The following CRIM1 variants were observed in gnomAD, a reference collection of about 807,000 sequenced individuals.
CRIM1 encodes cysteine rich transmembrane BMP regulator 1, also known as cysteine-rich motor neuron 1 protein.
A neutral mutation model predicts 116.4 loss-of-function variants in CRIM1; 32 were observed. That is an observed-to-expected ratio of 0.27 (90% CI 0.21 to 0.37). CRIM1 has a LOEUF of 0.37. Ranked by LOEUF, CRIM1 falls within the 10% of genes least tolerant of loss-of-function variation. CRIM1 has a pLI of 1.00. For missense variants in CRIM1, 1,331 were observed against 1,354.8 expected (o/e 0.98, Z 0.28); for synonymous variants, 590 against 509.2 (o/e 1.16, Z -2.13).
chr2:36,479,812 C>A (rs993494982), intron 7 of CRIM1, 118 bp downstream of exon 7: 34 of 968,898 alleles, frequency 3.5e-5, no homozygotes, highest in Non-Finnish European at 4.7e-5. Flanking sequence ...CACGCTGTTA[C>A]CAGTTGCCAA....
chr2:36,531,383 G>A (rs1028430158), intron 13 of CRIM1, among the ~76,000 whole-genome samples: 1 of 150,536 alleles, frequency 6.6e-6, no homozygotes, highest in Admixed American at 6.6e-5. Context: ...CTGGAGATGC[G>A]TTTTTGGTTT....
chr2:36,449,034 GT>G (rs11350672), intron 4 of CRIM1, among the ~76,000 whole-genome samples: 45,421 of 142,060 alleles, frequency 0.32, 6,891 homozygotes, highest in South Asian at 0.39. Context: ...TTTTTGACTT[GT>G]TTTTTTTTTT....
chr2:36,409,484 T>A (rs954990825), intron 2 of CRIM1, among the ~76,000 whole-genome samples: 1 of 152,206 alleles, frequency 6.6e-6, no homozygotes, highest in Admixed American at 6.5e-5. Flanking sequence ...CCCTGCTCAC[T>A]TGGGGAGGAT....
intron 7 of CRIM1, among the ~76,000 whole-genome samples, chr2:36,484,262 A>G (rs572017128): frequency 7.9e-5 from 12 of 152,290 alleles, no homozygotes; most frequent in Admixed American, 2.0e-4. Context: ...TGTAGGTGCC[A>G]CTGCATTTCA....
intron 1 of CRIM1, among the ~76,000 whole-genome samples, chr2:36,388,923 A>C (rs1438150080): frequency 6.6e-6 from 1 of 152,208 alleles, no homozygotes; most frequent in Admixed American, 6.5e-5. Flanking sequence ...TTTTTCAGTG[A>C]TTTCCTCACT....
intron 2 of CRIM1, among the ~76,000 whole-genome samples, chr2:36,410,361 A>G (rs1001047494): frequency 5.3e-5 from 8 of 152,182 alleles, no homozygotes. Context: ...ACAATACAGG[A>G]ATTTAATAAT....
rs138247798 is a variant in CRIM1, at chr2:36,411,830, G to A, written c.505+15043G>A. Among the ~76,000 whole-genome samples the A allele has an allele frequency of 2.8e-3, 431 of 152,166 alleles. 2 individuals are homozygous for A. The highest frequency in any genetic ancestry group is 9.2e-3 in the African/African-American group (384 of 41,520). The stretch of plus-strand genomic sequence containing the variant: ...CCCGTGAGATACATTCCAGTGGTTC[G>A]TTTCTAAGAATCGATGTAATATTAT... On this transcript the variant is annotated intron_variant, in intron 2 of 16. Coordinates refer to ENST00000280527, the MANE Select transcript of CRIM1 (RefSeq NM_016441.3).
intron 2 of CRIM1, among the ~76,000 whole-genome samples, chr2:36,415,762 C>T (rs1429255883): frequency 2.0e-5 from 3 of 152,346 alleles, no homozygotes; most frequent in Middle Eastern, 3.4e-3. Flanking sequence ...TAACTGAGGA[C>T]TTATGTGGTA....
intron 10 of CRIM1, among the ~76,000 whole-genome samples, chr2:36,512,914 A>T (rs1041087515): frequency 6.6e-6 from 1 of 152,208 alleles, no homozygotes; most frequent in East Asian, 1.9e-4. Flanking sequence ...AGGCTTCTCC[A>T]GGGAGCTTCC....
rs1455625474 is a variant in CRIM1, at chr2:36,543,736, TTC to T, written c.2624-638_2624-637del. Reference sequence around the variant, plus strand: ...CTGATATTTGAGATAAATAATATTCTTCTGTTTGTTTTATGTTGTAGTATAAT... The same window carrying T: ...CTGATATTTGAGATAAATAATATTCTTGTTTGTTTTATGTTGTAGTATAAT... On this transcript the variant is annotated intron_variant, in intron 14 of 16. Transcript: ENST00000280527. 5.4e-5 allele frequency among the ~76,000 whole-genome samples: 8 copies of T among 148,506 alleles called. No individual in the cohort carries two copies. The East Asian group carries it at 9.6e-4, about 18-fold the overall frequency.
At chr2:36,444,419 G>A (rs776376290) in intron 4 of CRIM1, among the ~76,000 whole-genome samples, 3 of 152,202 alleles carry the variant, frequency 2.0e-5, no homozygotes, top group African/African-American at 7.2e-5. Flanking sequence ...ATGGCCACCT[G>A]CCCGGAATGC....
intron 4 of CRIM1, among the ~76,000 whole-genome samples, chr2:36,462,075 A>G (rs1308882262): frequency 6.6e-6 from 1 of 152,186 alleles, no homozygotes; most frequent in African/African-American, 2.4e-5. Flanking sequence ...CAAAACCAGG[A>G]TCTTTATTAT....
At chr2:36,467,483 C>A (rs935647217) in intron 5 of CRIM1, among the ~76,000 whole-genome samples, 6 of 152,056 alleles carry the variant, frequency 3.9e-5, no homozygotes, top group Admixed American at 2.6e-4. Flanking sequence ...GTAAGGTCAC[C>A]ATTAGAAGAT....
Position 36,413,401 on chromosome 2 carries a change from C to G in CRIM1, c.505+16614C>G, listed in dbSNP as rs909664382. On this transcript the variant is annotated intron_variant, in intron 2 of 16. Coordinates refer to ENST00000280527, the MANE Select transcript of CRIM1 (RefSeq NM_016441.3). ...TCTTTATACTTTTTTGGCATAGTTA[C>G]AACAGTAGGGCTTTTCTGTCCTTTA... is the stretch of plus-strand genomic sequence containing the variant. Among the ~76,000 whole-genome samples the G allele has an allele frequency of 9.2e-5, 14 of 152,252 alleles. No individual in the cohort carries two copies. The South Asian group carries it at 2.9e-3, about 32-fold the overall frequency.
chr2:36,395,282 A>G (rs921450461), intron 1 of CRIM1, among the ~76,000 whole-genome samples: 1 of 152,166 alleles, frequency 6.6e-6, no homozygotes. Flanking sequence ...GATTACAGGC[A>G]TGAGCCACCA....
At chr2:36,528,408 G>C (rs1313688753) in intron 13 of CRIM1, among the ~76,000 whole-genome samples, 1 of 152,226 alleles carries the variant, frequency 6.6e-6, no homozygotes, top group Non-Finnish European at 1.5e-5. Context: ...GCTGTGTTGT[G>C]ACAGGGCCTT....
intron 7 of CRIM1, among the ~76,000 whole-genome samples, chr2:36,497,865 T>A (rs998360439): frequency 6.6e-6 from 1 of 152,190 alleles, no homozygotes; most frequent in African/African-American, 2.4e-5. Flanking sequence ...AAAACACTTA[T>A]TTTGATCTCT....
At position 36,528,980 on chromosome 2, in the gene CRIM1, C is replaced by G. The variant is rs78326652; in HGVS notation, c.2428+6667C>G. 4.6e-5 allele frequency among the ~76,000 whole-genome samples: 7 copies of G among 152,272 alleles called. No homozygotes were observed. The East Asian group carries it at 1.4e-3, about 29-fold the overall frequency. ...GCCCCCGGCTGTGTAAACAGAAATT[C>G]AAGTTGTTCTGGTTAACTTGGGAAA... On this transcript the variant is annotated intron_variant, in intron 13 of 16. Transcript: ENST00000280527.
intron 7 of CRIM1, among the ~76,000 whole-genome samples, chr2:36,490,797 T>C (rs1238644008): frequency 6.6e-6 from 1 of 152,190 alleles, no homozygotes; most frequent in Non-Finnish European, 1.5e-5. Flanking sequence ...CTGCCCATTC[T>C]TGTGCATATC....
Sources: gnomAD v4.1 joint callset for allele counts (sites outside exome capture counted in the v4.1 genomes callset) on GRCh38, gnomAD v4.1.1 for gene constraint, MANE v1.5 for transcripts, NCBI Gene and HGNC (gene_info 2026-07-23, HGNC 2026-07-21) for gene names.